Variants in CAPN8 observed in about 807,000 individuals in gnomAD.
The protein encoded by CAPN8 is calpain-8.
Under a neutral mutation model 80.9 loss-of-function variants are expected in CAPN8, and 87 were observed. That is an observed-to-expected ratio of 1.07 (90% CI 0.90 to 1.28). The LOEUF (loss-of-function observed/expected upper bound fraction) is 1.28, where lower values mean the gene tolerates loss of function less well. CAPN8 is among the 50% of genes most tolerant of loss of function. The pLI is 0.00. For missense variants in CAPN8, 757 were observed against 702.0 expected (o/e 1.08, Z -0.89); for synonymous variants, 299 against 273.8 (o/e 1.09, Z -0.91).
At chr1:223,657,394 G>A (rs944672696) in intron 1 of CAPN8, among the ~76,000 whole-genome samples, 4 of 133,638 alleles carry the variant, frequency 3.0e-5, no homozygotes, top group Admixed American at 7.6e-5. Context: ...GAAGGAAAAT[G>A]TTGTGTCGTC....
chr1:223,630,492 A>G (rs773693757), intron 2 of CAPN8, among the ~76,000 whole-genome samples: 8 of 148,088 alleles, frequency 5.4e-5, no homozygotes, highest in Non-Finnish European at 1.1e-4. Flanking sequence ...GCATGCCATC[A>G]TGCCTGGTTA....
At chr1:223,620,363 C>T (rs1448030240) in intron 7 of CAPN8, 97 bp from the exon 8 acceptor site, 1 of 1,034,348 alleles carries the variant, frequency 9.7e-7, no homozygotes, top group Admixed American at 2.1e-5. Context: ...GAGCCAGAAA[C>T]AAAATACCAA....
intron 2 of CAPN8, among the ~76,000 whole-genome samples, chr1:223,631,460 G>A (rs1657771406): frequency 6.6e-6 from 1 of 151,988 alleles, no homozygotes; most frequent in Non-Finnish European, 1.5e-5. Context: ...CAAGTTCTAA[G>A]GCCACTTGAT....
Position 223,549,316 on chromosome 1 carries a change from A to G in CAPN8, c.1764+2T>C. Reference sequence around the variant, plus strand: ...AAAAATAATGCAACATTTAAAGGATACATCCAACAGACTGATCATTTCCCT... The same window carrying G: ...AAAAATAATGCAACATTTAAAGGATGCATCCAACAGACTGATCATTTCCCT... On this transcript the variant is annotated splice_donor_variant, in intron 16 of 20. Transcript: ENST00000366872. LOFTEE classifies it high-confidence loss of function. 1.3e-6 allele frequency: 2 copies of G among 1,551,604 alleles called. No individual in the cohort carries two copies. The highest frequency in any genetic ancestry group is 1.7e-6 in the Non-Finnish European group (2 of 1,146,972).
chr1:223,541,778 G>C lies in CAPN8; in HGVS notation c.*58C>G. 1 of 1,551,332 alleles carries C rather than the reference G, an allele frequency of 6.4e-7. No individual in the cohort carries two copies. The highest frequency in any genetic ancestry group is 1.2e-5 in the South Asian group (1 of 84,036). On this transcript the variant is annotated 3_prime_UTR_variant, in exon 21 of 21. Transcript: ENST00000366872. The stretch of plus-strand genomic sequence containing the variant: ...TAAATGTTCACAAAATTGTAGAGAA[G>C]GGGTGACAAGAAGCAAGCAGTGGGG...
At chr1:223,662,375 G>A (rs1347175730) in intron 1 of CAPN8, among the ~76,000 whole-genome samples, 1 of 152,052 alleles carries the variant, frequency 6.6e-6, no homozygotes, top group East Asian at 1.9e-4. Flanking sequence ...CTTGAACTGG[G>A]GAGGCAGAGG....
intron 14 of CAPN8, among the ~76,000 whole-genome samples, chr1:223,553,238 C>T (rs1015071176): frequency 6.6e-6 from 1 of 152,190 alleles, no homozygotes; most frequent in Non-Finnish European, 1.5e-5. Context: ...CGGGCTGCTA[C>T]CAAAGTGAAC....
chr1:223,543,142 T>C lies in CAPN8; in HGVS notation c.2054A>G (p.Asp685Gly). Residue 685 changes from aspartate (D) to glycine (G), a missense_variant, in exon 20 of 21, where the codon GAC becomes GGC. Asp to Gly is a moderately conservative substitution (Grantham distance 94). Coordinates refer to ENST00000366872, the MANE Select transcript of CAPN8 (RefSeq NM_001143962.2). The part of the protein sequence containing the change: ...LFKLFSLLDE[D>G]KDGMVQLSLA... Reference sequence around the variant, plus strand: ...AGAGAGCTGAACCATGCCATCCTTGTCTTCGTCCAGAAGGCTGAATAGTTC... The same window carrying C: ...AGAGAGCTGAACCATGCCATCCTTGCCTTCGTCCAGAAGGCTGAATAGTTC... 6.4e-7 allele frequency: 1 copy of C among 1,551,680 alleles called. No homozygotes were observed. Among genetic ancestry groups the C allele is most frequent in the Non-Finnish European group, 8.7e-7 (1 of 1,146,988 alleles).
intron 10 of CAPN8, among the ~76,000 whole-genome samples, chr1:223,614,631 T>G (rs1006229368): frequency 6.6e-6 from 1 of 152,168 alleles, no homozygotes; most frequent in Non-Finnish European, 1.5e-5. Context: ...CAGGTCCCCA[T>G]CACAGCAGAT....
In CAPN8 at chr1:223,544,627, G is replaced by A. The variant is rs1001064408; in HGVS notation, c.1912+145C>T. 5.5e-6 allele frequency: 6 copies of A among 1,096,870 alleles called. No individual in the cohort carries two copies. The African/African-American group carries it at 7.9e-5, about 14-fold the overall frequency. The allele number at this position is 1,096,870 out of a possible 1,614,324, so 67.9% of individuals were successfully genotyped here. On this transcript the variant is annotated intron_variant, in intron 18 of 20. Coordinates refer to ENST00000366872, the MANE Select transcript of CAPN8 (RefSeq NM_001143962.2). ...ATTCTCCCCTTCCTGGACAGGGAAG[G>A]TACTCAACAAAGCTCTGTTGTTGCC...
chr1:223,628,816 C>T, intron 2 of CAPN8, 36 bp from the exon 3 acceptor site: 1 of 1,515,386 alleles, frequency 6.6e-7, no homozygotes, highest in Non-Finnish European at 9.0e-7. Flanking sequence ...ATTGGTCAGG[C>T]CCAGCCTGCA....
intron 10 of CAPN8, among the ~76,000 whole-genome samples, chr1:223,612,458 A>T (rs1657053533): frequency 6.6e-6 from 1 of 152,050 alleles, no homozygotes; most frequent in Non-Finnish European, 1.5e-5. Flanking sequence ...TATAAATAGG[A>T]TCCTAGAAAT....
intron 13 of CAPN8, among the ~76,000 whole-genome samples, chr1:223,556,652 G>A (rs909916309): frequency 0.64 from 97,001 of 152,078 alleles, 31,784 homozygotes; most frequent in Non-Finnish European, 0.72. Flanking sequence ...ATCATGGGAC[G>A]TGGAGATGGG....
intron 13 of CAPN8, among the ~76,000 whole-genome samples, chr1:223,555,060 T>C (rs919041189): frequency 1.5e-4 from 23 of 152,366 alleles, no homozygotes; most frequent in African/African-American, 5.5e-4. Context: ...TATAGCTTGA[T>C]GATGCTGTAC....
rs562646635 is a variant in CAPN8, at chr1:223,628,728, C to G, written c.360G>C (p.Leu120=). Residue 120 remains leucine, a synonymous_variant, in exon 3 of 21, where the codon CTG becomes CTC. Coordinates refer to ENST00000366872, the MANE Select transcript of CAPN8 (RefSeq NM_001143962.2). ...AIASLTLNEE[L]LYRVVPRDQD... is the part of the protein sequence containing the mutation. ...GGTCCCTGGGGACCACCCGGTAAAG[C>G]AGCTCTTCATTCAGGGTCAGGGAGG... 12 of 1,552,682 alleles carry G rather than the reference C, an allele frequency of 7.7e-6. No individual in the cohort carries two copies. The African/African-American group carries it at 1.2e-4, about 16-fold the overall frequency.
intron 10 of CAPN8, among the ~76,000 whole-genome samples, chr1:223,615,252 C>G (rs1657136640): frequency 3.3e-5 from 5 of 152,172 alleles, no homozygotes; most frequent in Admixed American, 3.3e-4. Context: ...AAAATGGCCA[C>G]CATGAGCCCC....
In CAPN8 at chr1:223,549,373, AT is replaced by A; in HGVS notation, c.1708del (p.Ile570Ter). ...LNEAFSKRTD[I>X]KFDGFNINTC... is the part of the protein sequence containing the mutation. ...GTTGATGTTGAATCCATCGAATTTT[AT>A]GTCTGTTCCTAAAGATTTAAATAGA... On this transcript the variant is annotated frameshift_variant, in exon 16 of 21. Transcript: ENST00000366872. LOFTEE classifies it high-confidence loss of function. 1 of 1,551,882 alleles carries A rather than the reference AT, an allele frequency of 6.4e-7. No individual in the cohort carries two copies. Among genetic ancestry groups the A allele is most frequent in the Non-Finnish European group, 8.7e-7 (1 of 1,147,038 alleles).
At chr1:223,633,089 A>C (rs1657818835) in intron 2 of CAPN8, among the ~76,000 whole-genome samples, 1 of 152,184 alleles carries the variant, frequency 6.6e-6, no homozygotes, top group East Asian at 1.9e-4. Flanking sequence ...TTAAAGTTAC[A>C]CTAGCCCTGG....
intron 2 of CAPN8, among the ~76,000 whole-genome samples, chr1:223,630,325 A>G (rs1657738275): frequency 6.6e-6 from 1 of 151,740 alleles, no homozygotes; most frequent in African/African-American, 2.4e-5. Flanking sequence ...TCACACACAC[A>G]CATACTCATT....
Sources: gnomAD v4.1 joint callset for allele counts (sites outside exome capture counted in the v4.1 genomes callset) on GRCh38, gnomAD v4.1.1 for gene constraint, MANE v1.5 for transcripts, NCBI Gene and HGNC (gene_info 2026-07-23, HGNC 2026-07-21) for gene names.